Variants in UIMC1 observed in about 807,000 individuals in gnomAD.
UIMC1 encodes BRCA1-A complex subunit RAP80.
A neutral mutation model predicts 84.9 loss-of-function variants in UIMC1; 42 were observed. The observed-to-expected ratio is 0.49, with a 90% CI of 0.39 to 0.64. The LOEUF is 0.64. Ranked by LOEUF, UIMC1 falls within the 30% of genes least tolerant of loss-of-function variation. The pLI is 0.00. For synonymous variants in UIMC1, 281 were observed against 293.0 expected (o/e 0.96, Z 0.42); for missense variants, 825 against 847.6 (o/e 0.97, Z 0.33).
chr5:176,940,811 G>T (rs939082917), intron 10 of UIMC1, among the ~76,000 whole-genome samples: 2 of 152,174 alleles, frequency 1.3e-5, no homozygotes, highest in Non-Finnish European at 1.5e-5. Flanking sequence ...TATTTACTAT[G>T]TGCTAGGTAC....
chr5:176,936,395 A>G (rs1187957958), intron 10 of UIMC1, among the ~76,000 whole-genome samples: 2 of 152,232 alleles, frequency 1.3e-5, no homozygotes, highest in Admixed American at 1.3e-4. Flanking sequence ...TCATAGTGCC[A>G]AAAACAAAAT....
intron 9 of UIMC1, among the ~76,000 whole-genome samples, chr5:176,945,793 C>A (rs551202066): frequency 3.3e-5 from 5 of 152,292 alleles, no homozygotes; most frequent in African/African-American, 1.2e-4. Context: ...TCTAGCTTCA[C>A]GTCCTGTTTC....
Position 176,957,964 on chromosome 5 carries a change from T to C in UIMC1, c.1262+129A>G, listed in dbSNP as rs571368446. 2.4e-5 allele frequency: 16 copies of C among 673,096 alleles called. No individual in the cohort carries two copies. In the East Asian group the frequency reaches 4.0e-4, roughly 17 times the overall value. The allele number at this position is 673,096 out of a possible 1,614,324, so 41.7% of individuals were successfully genotyped here. A position where few individuals can be genotyped will look rare whatever the true frequency, so the allele number is the denominator to read the frequency against. On this transcript the variant is annotated intron_variant, in intron 7 of 14. Coordinates refer to ENST00000511320, the MANE Select transcript of UIMC1 (RefSeq NM_001199298.2). Reference sequence around the variant, plus strand: ...TTAGAGATACTAATAAAATTTCTCCTAGTCTTCACTTATAAAAGAGCTAAA... The same window carrying C: ...TTAGAGATACTAATAAAATTTCTCCCAGTCTTCACTTATAAAAGAGCTAAA...
At chr5:176,969,451 A>G in intron 5 of UIMC1, 150 bp downstream of exon 5, 2 of 1,271,226 alleles carry the variant, frequency 1.6e-6, no homozygotes, top group Non-Finnish European at 2.2e-6. Context: ...AGTATGCCGG[A>G]TATTCTTATG....
intron 9 of UIMC1, among the ~76,000 whole-genome samples, chr5:176,949,967 T>C (rs1765639622): frequency 6.6e-6 from 1 of 150,994 alleles, no homozygotes. Context: ...GGCATGAGAA[T>C]CACTAAAACT....
chr5:176,962,021 G>A (rs1291882763), intron 6 of UIMC1, among the ~76,000 whole-genome samples: 5 of 51,160 alleles, frequency 9.8e-5, no homozygotes, highest in East Asian at 7.3e-4. Context: ...CCGGCCAGCC[G>A]CCCCGTCCGG....
intron 1 of UIMC1, among the ~76,000 whole-genome samples, chr5:177,004,200 A>G (rs1774953016): frequency 6.6e-6 from 1 of 152,208 alleles, no homozygotes; most frequent in Non-Finnish European, 1.5e-5. Context: ...GTAAATAAAT[A>G]AAAACCCAGC....
chr5:176,959,737 A>G (rs1315253496), intron 6 of UIMC1, among the ~76,000 whole-genome samples: 4 of 133,648 alleles, frequency 3.0e-5, no homozygotes, highest in African/African-American at 1.2e-4. Flanking sequence ...AAAAAAAAAA[A>G]TTATTGTGCT....
Position 176,911,342 on chromosome 5 carries a change from T to C in UIMC1, c.1645A>G (p.Thr549Ala). Residue 549 changes from threonine to alanine, a missense_variant, in exon 11 of 15, where the codon ACA (threonine) becomes GCA (alanine). By Grantham distance (58) the Thr-to-Ala change is moderately conservative. Transcript: ENST00000511320. ...KEAKTKSDSG[T>A]AAQTSLDIDK... ...ATGTCTAGAGAAGTCTGGGCAGCTG[T>C]CCCACTGTCACTCTTGGTCTTGGCC... is the stretch of plus-strand genomic sequence containing the variant. The C allele has an allele frequency of 6.2e-7, 1 of 1,600,806 alleles. No individual in the cohort carries two copies. Among genetic ancestry groups the C allele is most frequent in the Non-Finnish European group, 8.5e-7 (1 of 1,172,634 alleles).
At chr5:176,949,552 C>T (rs967206274) in intron 9 of UIMC1, among the ~76,000 whole-genome samples, 10 of 152,126 alleles carry the variant, frequency 6.6e-5, no homozygotes, top group African/African-American at 2.2e-4. Context: ...GCCATTTTGA[C>T]ATTATGGAGC....
chr5:176,913,607 T>A (rs1026574224), intron 10 of UIMC1, among the ~76,000 whole-genome samples: 1 of 152,220 alleles, frequency 6.6e-6, no homozygotes, highest in Non-Finnish European at 1.5e-5. Context: ...TTATTGACAA[T>A]CCTGGTATAC....
chr5:176,935,480 C>T (rs775256896), intron 10 of UIMC1, among the ~76,000 whole-genome samples: 1 of 152,082 alleles, frequency 6.6e-6, no homozygotes, highest in African/African-American at 2.4e-5. Context: ...AGATCAGGGC[C>T]CATATTTGAT....
chr5:176,913,070 T>C (rs1310601571), intron 10 of UIMC1, among the ~76,000 whole-genome samples: 2 of 152,232 alleles, frequency 1.3e-5, no homozygotes, highest in Non-Finnish European at 2.9e-5. Context: ...ACTATATGAA[T>C]ACATTTACCC....
intron 1 of UIMC1, among the ~76,000 whole-genome samples, chr5:176,986,339 G>A (rs1407741367): frequency 8.5e-6 from 1 of 117,368 alleles, no homozygotes; most frequent in African/African-American, 3.3e-5. Context: ...CGGCCTGGGT[G>A]CCAGAGTAAG....
intron 1 of UIMC1, among the ~76,000 whole-genome samples, chr5:177,001,654 G>C (rs946202701): frequency 6.6e-6 from 1 of 151,958 alleles, no homozygotes; most frequent in Non-Finnish European, 1.5e-5. Flanking sequence ...AGAATAAACT[G>C]AGGGCCAGGT....
chr5:176,999,852 CAACA>C (rs1344095269), intron 1 of UIMC1, among the ~76,000 whole-genome samples: 2 of 152,202 alleles, frequency 1.3e-5, no homozygotes, highest in Non-Finnish European at 2.9e-5. Context: ...AATAGTGCTA[CAACA>C]AACCTGGGAG....
chr5:176,987,017 T>C (rs569353948), intron 1 of UIMC1, among the ~76,000 whole-genome samples: 83 of 151,996 alleles, frequency 5.5e-4, no homozygotes, highest in African/African-American at 2.0e-3. Flanking sequence ...GTCAGGAGTT[T>C]GAGACTAGCC....
intron 6 of UIMC1, among the ~76,000 whole-genome samples, chr5:176,967,799 CG>C (rs1561843340): frequency 6.6e-6 from 1 of 151,270 alleles, no homozygotes; most frequent in Admixed American, 6.6e-5. Flanking sequence ...GCTATTGCGA[CG>C]GGCTGAGGTT....
At chr5:176,963,612 G>GA (rs1402965110) in intron 6 of UIMC1, among the ~76,000 whole-genome samples, 1 of 151,470 alleles carries the variant, frequency 6.6e-6, no homozygotes, top group Non-Finnish European at 1.5e-5. Flanking sequence ...TAGTTTATTA[G>GA]GTTTTTCCAC....
Sources: gnomAD v4.1 joint callset for allele counts (sites outside exome capture counted in the v4.1 genomes callset) on GRCh38, gnomAD v4.1.1 for gene constraint, MANE v1.5 for transcripts, NCBI Gene and HGNC (gene_info 2026-07-23, HGNC 2026-07-21) for gene names.